The following SUCO variants were observed in gnomAD, a reference collection of about 807,000 sequenced individuals.
SUCO encodes SUN domain containing ossification factor, also known as SUN domain-containing ossification factor.
A neutral mutation model predicts 148.1 loss-of-function variants in SUCO; 57 were observed. That is an observed-to-expected ratio of 0.38 (90% CI 0.31 to 0.48). The LOEUF (loss-of-function observed/expected upper bound fraction) is 0.48, where lower values mean the gene tolerates loss of function less well. SUCO is among the 20% of genes least tolerant of loss of function. The probability of loss-of-function intolerance (pLI) is 0.96; values close to 1 mark genes in which losing one functional copy is unlikely to be tolerated. For missense variants in SUCO, 1,331 were observed against 1,468.2 expected (o/e 0.91, Z 1.53); for synonymous variants, 470 against 502.7 (o/e 0.93, Z 0.87).
intron 23 of SUCO, 166 bp from the exon 24 acceptor site, chr1:172,609,650 C>T (rs1449001014): frequency 4.1e-6 from 4 of 984,290 alleles, no homozygotes; most frequent in Admixed American, 6.2e-5. Flanking sequence ...GAAGATGATG[C>T]TAGTATCTAT....
intron 21 of SUCO, chr1:172,602,468 C>T: frequency 1.0e-6 from 1 of 980,556 alleles, no homozygotes; most frequent in South Asian, 4.7e-5. Flanking sequence ...GAGAAAGATG[C>T]TTAAATGTGG....
At chr1:172,550,448 A>G (rs1400557731) in intron 1 of SUCO, among the ~76,000 whole-genome samples, 2 of 151,916 alleles carry the variant, frequency 1.3e-5, no homozygotes, top group Non-Finnish European at 2.9e-5. Context: ...TTAATTTTAT[A>G]CTTGGGAATA....
At chr1:172,579,758 G>A (rs1418081375) in intron 15 of SUCO, among the ~76,000 whole-genome samples, 2 of 151,908 alleles carry the variant, frequency 1.3e-5, no homozygotes, top group Admixed American at 6.6e-5. Flanking sequence ...TTCCAAAGTC[G>A]AATCCCAACC....
In SUCO at chr1:172,577,933, A is replaced by C. The variant is rs1199437431; in HGVS notation, c.1340+114A>C. The C allele has an allele frequency of 9.6e-6, 7 of 729,154 alleles. No homozygotes were observed. The African/African-American group carries it at 1.1e-4, about 11-fold the overall frequency. 45.2% of individuals were successfully genotyped at this position (729,154 alleles called of 1,614,324 possible). ...TCTTACGTGAGTTAATACCATAGAA[A>C]TAAAAACTGTGAAACCTTTCTTTTG... On this transcript the variant is annotated intron_variant, in intron 13 of 23. Coordinates refer to ENST00000263688, the MANE Select transcript of SUCO (RefSeq NM_014283.5).
intron 10 of SUCO, among the ~76,000 whole-genome samples, chr1:172,575,092 G>A (rs1355442776): frequency 1.3e-5 from 2 of 151,986 alleles, no homozygotes; most frequent in Non-Finnish European, 2.9e-5. Context: ...CTTTAAAGGG[G>A]AATAGATATG....
At chr1:172,553,102 A>G in intron 2 of SUCO, 158 bp from the exon 3 acceptor site, 1 of 433,706 alleles carries the variant, frequency 2.3e-6, no homozygotes, top group Non-Finnish European at 3.1e-6. Flanking sequence ...ATTCAAGGAA[A>G]TAGACAATAA....
Position 172,575,571 on chromosome 1 carries a change from G to A in SUCO, c.1211G>A (p.Arg404Gln). ...KLGTFHGRDE[R>Q]NVQSFPLDEQ... ...GGTACTTTTCATGGTAGAGATGAGC[G>A]GAATGTACAGAGTTTCCCTTTAGAT... is the stretch of plus-strand genomic sequence containing the variant. The change falls in exon 11 of 24, where the codon CGG (arginine) becomes CAG (glutamine). Residue 404 changes from arginine (R) to glutamine (Q), a missense_variant. Physicochemically the swap from Arg to Gln is conservative, Grantham distance 43 (BLOSUM62 1). This residue lies in a region of SUCO where 992 missense variants were observed against 1,093.5 expected (regional missense o/e 0.91). Transcript: ENST00000263688. 5 of 1,612,114 alleles carry A rather than the reference G, an allele frequency of 3.1e-6. No individual in the cohort carries two copies. The highest frequency in any genetic ancestry group is 3.4e-6 in the Non-Finnish European group (4 of 1,178,732).
At chr1:172,590,916 T>A in intron 18 of SUCO, 68 bp from the exon 19 acceptor site, 1 of 1,097,450 alleles carries the variant, frequency 9.1e-7, no homozygotes. Context: ...AAATCAGAAG[T>A]ATGTTTCCAT....
At chr1:172,548,048 T>C (rs1258399363) in intron 1 of SUCO, among the ~76,000 whole-genome samples, 1 of 152,076 alleles carries the variant, frequency 6.6e-6, no homozygotes, top group Non-Finnish European at 1.5e-5. Flanking sequence ...CTTCTGAAAT[T>C]TGAAATTATT....
intron 4 of SUCO, chr1:172,556,869 C>CAGG: frequency 3.5e-6 from 3 of 863,592 alleles, no homozygotes; most frequent in Non-Finnish European, 4.2e-6. Context: ...GGAGGTGAGG[C>CAGG]AGGGAAAAAT....
At chr1:172,540,230 G>A (rs1214068599) in intron 1 of SUCO, among the ~76,000 whole-genome samples, 2 of 152,122 alleles carry the variant, frequency 1.3e-5, no homozygotes, top group African/African-American at 4.8e-5. Flanking sequence ...TCTCTTAACC[G>A]GTATGCTGTG....
Position 172,533,188 on chromosome 1 carries a change from C to G in SUCO, c.-248C>G, listed in dbSNP as rs981086604. The G allele has an allele frequency of 1.3e-6, 2 of 1,496,266 alleles. No homozygotes were observed. Among genetic ancestry groups the G allele is most frequent in the Non-Finnish European group, 1.8e-6 (2 of 1,123,902 alleles). The allele number at this position is 1,496,266 out of a possible 1,614,324, so 92.7% of individuals were successfully genotyped here. On this transcript the variant is annotated 5_prime_UTR_variant, in exon 1 of 24. Transcript: ENST00000263688. ...GGCGGCTGCAGGAGGCGGGCGTGGACGAGCCGGTGGCTGCAGCGGCGGCGG... is the reference window on the plus strand; with the variant it reads ...GGCGGCTGCAGGAGGCGGGCGTGGAGGAGCCGGTGGCTGCAGCGGCGGCGG...
chr1:172,558,476 C>G (rs1388518459), intron 6 of SUCO, among the ~76,000 whole-genome samples: 1 of 151,378 alleles, frequency 6.6e-6, no homozygotes, highest in Non-Finnish European at 1.5e-5. Context: ...TAAATAGGGT[C>G]CATGAGTAGT....
chr1:172,534,374 A>C (rs555995769), intron 1 of SUCO, among the ~76,000 whole-genome samples: 5 of 152,124 alleles, frequency 3.3e-5, no homozygotes, highest in African/African-American at 9.6e-5. Flanking sequence ...ATGCTTCTTC[A>C]GTCTAGGCGA....
chr1:172,608,533 C>G (rs1658000764), intron 22 of SUCO: 1 of 554,298 alleles, frequency 1.8e-6, no homozygotes, highest in Non-Finnish European at 3.2e-6. Context: ...GACGACCAGT[C>G]AAGCATAGGA....
Position 172,555,873 on chromosome 1 carries a change from C to G in SUCO, c.293C>G (p.Thr98Arg). Residue 98 changes from threonine (T) to arginine (R), a missense_variant, in exon 4 of 24, where the codon ACA (threonine) becomes AGA (arginine). Thr to Arg is a moderately conservative substitution (Grantham distance 71, BLOSUM62 -1). Around this residue, in one of 3 missense-constraint regions of SUCO, gnomAD observed 992 missense variants for 1,093.5 expected, o/e 0.91. Transcript: ENST00000263688. ...CTGACTTGTTTTTTTAAACAGAATACAGAGTCAAAAAAGTTAAGTCCACCG... is the reference window on the plus strand; with the variant it reads ...CTGACTTGTTTTTTTAAACAGAATAGAGAGTCAAAAAAGTTAAGTCCACCG... ...KDDSIVDVQNTESKKLSPPVV... is the reference protein window; with the variant it reads ...KDDSIVDVQNRESKKLSPPVV... 1 of 1,608,454 alleles carries G rather than the reference C, an allele frequency of 6.2e-7. No individual in the cohort carries two copies. The highest frequency in any genetic ancestry group is 8.5e-7 in the Non-Finnish European group (1 of 1,176,928).
chr1:172,546,594 A>C (rs1162118933), intron 1 of SUCO, among the ~76,000 whole-genome samples: 1 of 152,178 alleles, frequency 6.6e-6, no homozygotes, highest in Non-Finnish European at 1.5e-5. Flanking sequence ...CTTATTAATT[A>C]CAGGATCTTG....
intron 6 of SUCO, among the ~76,000 whole-genome samples, chr1:172,559,049 A>T (rs1036067146): frequency 6.6e-6 from 1 of 152,240 alleles, no homozygotes; most frequent in Non-Finnish European, 1.5e-5. Flanking sequence ...CAATAGTTTT[A>T]TGTAGTATCT....
At chr1:172,557,852 G>C (rs1043301636) in intron 6 of SUCO, 58 bp downstream of exon 6, 1 of 1,334,592 alleles carries the variant, frequency 7.5e-7, no homozygotes, top group African/African-American at 1.5e-5. Flanking sequence ...TTTGTTATTA[G>C]CTAAGCTTAT....
Sources: gnomAD v4.1 joint callset for allele counts (sites outside exome capture counted in the v4.1 genomes callset) on GRCh38, gnomAD v4.1.1 for gene constraint, gnomAD v4.1.1 regional missense constraint, MANE v1.5 for transcripts, NCBI Gene and HGNC (gene_info 2026-07-23, HGNC 2026-07-21) for gene names.